Variants in CCDC40 observed in about 807,000 individuals in gnomAD.
CCDC40 encodes the protein coiled-coil domain 40 molecular ruler complex subunit.
CCDC40 carries 104 observed loss-of-function variants against 124.5 expected under a neutral mutation model. The observed-to-expected ratio is 0.84, with a 90% CI of 0.71 to 0.98. CCDC40 has a LOEUF of 0.98. Ranked by LOEUF, CCDC40 falls within the 50% of genes least tolerant of loss-of-function variation. The pLI, the probability that CCDC40 is intolerant of heterozygous loss-of-function variation, is 0.00. For synonymous variants in CCDC40, 580 were observed against 602.9 expected, an observed-to-expected ratio of 0.96 and a Z score of 0.56; for missense variants, 1,463 against 1,503.9, an observed-to-expected ratio of 0.97 and a Z score of 0.45.
At chr17:80,059,012 G>C (rs370923952) in intron 9 of CCDC40, 32 bp downstream of exon 9, 25 of 1,613,872 alleles carry the variant, frequency 1.5e-5, no homozygotes, top group Non-Finnish European at 1.9e-5. Context: ...CTCAGTGTTC[G>C]ACCCTCCAGT....
rs761350260 is a variant in CCDC40 at position 80,087,779 on chromosome 17, C to T, written c.2619+3C>T. 6.2e-7 allele frequency: 1 copy of T among 1,613,794 alleles called. No homozygotes were observed. The highest frequency in any genetic ancestry group is 8.5e-7 in the Non-Finnish European group (1 of 1,179,790). ...ATGAGTTCGTGCGCTCGCTGAAGGTCCGGCCGTGTCCACGCAGTCCCGGGG... is the reference window on the plus strand; with the variant it reads ...ATGAGTTCGTGCGCTCGCTGAAGGTTCGGCCGTGTCCACGCAGTCCCGGGG... On this transcript the variant is annotated splice_donor_region_variant and intron_variant, in intron 15 of 19. Coordinates refer to ENST00000397545, the MANE Select transcript of CCDC40 (RefSeq NM_017950.4). The surrounding 1 kb of genome is among the most constrained non-coding windows in gnomAD (Gnocchi z 4.5).
At chr17:80,048,902 C>T (rs1176222152) in intron 5 of CCDC40, 141 bp downstream of exon 5, 9 of 807,630 alleles carry the variant, frequency 1.1e-5, no homozygotes, top group African/African-American at 6.8e-5. Context: ...CGTTTATTGG[C>T]ACTGATTGAC....
rs1220840499 is a variant in CCDC40, at chr17:80,097,116, A to T, written c.3022-129A>T. Reference sequence around the variant, plus strand: ...CAGGCCTCGCCTCTCCAGCCCTCCCATTCCTCTTTGGGAGCCTCCCTGGAT... The same window carrying T: ...CAGGCCTCGCCTCTCCAGCCCTCCCTTTCCTCTTTGGGAGCCTCCCTGGAT... On this transcript the variant is annotated intron_variant, in intron 18 of 19. Coordinates refer to ENST00000397545, the MANE Select transcript of CCDC40 (RefSeq NM_017950.4). The T allele has an allele frequency of 3.9e-6, 4 of 1,025,014 alleles. No homozygotes were observed. In the East Asian group the frequency reaches 9.5e-5, roughly 24 times the overall value. 63.5% of individuals were successfully genotyped at this position (1,025,014 alleles called of 1,614,324 possible). A position where few individuals can be genotyped will look rare whatever the true frequency, so the allele number is the denominator to read the frequency against.
At chr17:80,063,469 C>G (rs1049570641) in intron 9 of CCDC40, among the ~76,000 whole-genome samples, 9 of 152,106 alleles carry the variant, frequency 5.9e-5, no homozygotes, top group Admixed American at 6.5e-5. Context: ...AGGCTGTGGC[C>G]GGCAGCCTCA....
intron 17 of CCDC40, among the ~76,000 whole-genome samples, chr17:80,093,011 A>G (rs2038748272): frequency 6.6e-6 from 1 of 152,100 alleles, no homozygotes; most frequent in Non-Finnish European, 1.5e-5. Flanking sequence ...TGCTTCCTGA[A>G]AAGACTGCCC....
At chr17:80,050,536 C>T (rs1236889630) in intron 7 of CCDC40, among the ~76,000 whole-genome samples, 6 of 152,188 alleles carry the variant, frequency 3.9e-5, no homozygotes, top group African/African-American at 1.4e-4. Flanking sequence ...CTCCCCCTTC[C>T]GGGATCAAGC....
At chr17:80,063,780 A>G (rs1022385872) in intron 9 of CCDC40, among the ~76,000 whole-genome samples, 4 of 152,216 alleles carry the variant, frequency 2.6e-5, no homozygotes, top group African/African-American at 7.2e-5. Flanking sequence ...GGTTACAGGC[A>G]TGAGCCGCCG....
chr17:80,089,987 G>T (rs529605255), intron 17 of CCDC40, 103 bp downstream of exon 17: 15 of 1,549,620 alleles, frequency 9.7e-6, no homozygotes, highest in Non-Finnish European at 1.3e-5. Flanking sequence ...GCTCCTGTGG[G>T]AACCACACTG....
chr17:80,085,098 C>A, intron 13 of CCDC40, 110 bp downstream of exon 13: 1 of 1,367,854 alleles, frequency 7.3e-7, no homozygotes, highest in Non-Finnish European at 1.0e-6. Context: ...AGGCACAGAA[C>A]TGCCTCTTTC....
chr17:80,065,360 C>G (rs2038015384), intron 9 of CCDC40, 125 bp from the exon 10 acceptor site: 1 of 1,317,000 alleles, frequency 7.6e-7, no homozygotes, highest in Non-Finnish European at 1.1e-6. Flanking sequence ...GATGCATGAT[C>G]AAGGAAAGTA....
chr17:80,059,539 G>A (rs7225563), intron 9 of CCDC40, among the ~76,000 whole-genome samples: 47,896 of 147,348 alleles, frequency 0.33, 10,466 homozygotes, highest in African/African-American at 0.62. Context: ...CACGGGTGCG[G>A]GAATGACACG....
rs1327896140 is a variant in CCDC40 at position 80,086,109 on chromosome 17, A to C, written c.2342A>C (p.Gln781Pro). The change falls in exon 14 of 20, where the codon CAG (glutamine) becomes CCG (proline). Residue 781 changes from glutamine to proline, a missense_variant. By Grantham distance (76) the Gln-to-Pro change is moderately conservative. Transcript: ENST00000397545. This position sits in a 1 kb window ranked among gnomAD's most constrained non-coding sequence, Gnocchi z 5.5. The part of the protein sequence containing the change: ...VQAQVTWLRL[Q>P]QEMVKVTQEQ... ...GCCCAGGTGACCTGGCTGCGCCTGC[A>C]GCAGGAGATGGTCAAGGTGACACAG... 6.2e-7 allele frequency: 1 copy of C among 1,614,062 alleles called. No homozygotes were observed. Among genetic ancestry groups the C allele is most frequent in the African/African-American group, 1.3e-5 (1 of 74,936 alleles).
intron 3 of CCDC40, chr17:80,040,597 T>G (rs1201471688): frequency 5.7e-6 from 2 of 353,640 alleles, no homozygotes; most frequent in Non-Finnish European, 1.1e-5. Flanking sequence ...GAGAATTGCT[T>G]GAACCCGAGA....
At chr17:80,079,546 G>C (rs1027849799) in intron 10 of CCDC40, among the ~76,000 whole-genome samples, 1 of 152,010 alleles carries the variant, frequency 6.6e-6, no homozygotes, top group East Asian at 1.9e-4. Flanking sequence ...CATCCTCATC[G>C]ATCCATAATG....
chr17:80,089,273 G>A (rs1304990830), intron 16 of CCDC40, among the ~76,000 whole-genome samples: 3 of 152,224 alleles, frequency 2.0e-5, no homozygotes, highest in South Asian at 4.1e-4. Context: ...TGGAGGCACC[G>A]TCCTTTCTTC....
chr17:80,094,272 C>T (rs971612754), intron 17 of CCDC40, among the ~76,000 whole-genome samples: 4 of 147,152 alleles, frequency 2.7e-5, no homozygotes, highest in Admixed American at 2.7e-4. Context: ...AATAGCCAGG[C>T]GTGGTGGCAG....
In CCDC40 at chr17:80,040,214, T is replaced by C; in HGVS notation, c.496T>C (p.Leu166=). ...VTSPEPSHGV[L]GPSEQMGQVT... ...CTCCCCAGAGCCATCCCACGGAGTCTTAGGCCCGTCGGAGCAAATGGGCCA... is the reference window on the plus strand; with the variant it reads ...CTCCCCAGAGCCATCCCACGGAGTCCTAGGCCCGTCGGAGCAAATGGGCCA... The change falls in exon 3 of 20, where the codon TTA becomes CTA. Residue 166 remains leucine (L), a synonymous_variant. Transcript: ENST00000397545. The C allele has an allele frequency of 6.2e-7, 1 of 1,614,020 alleles. No individual in the cohort carries two copies. Among genetic ancestry groups the C allele is most frequent in the Non-Finnish European group, 8.5e-7 (1 of 1,179,962 alleles).
chr17:80,098,266 C>T (rs145977096), intron 19 of CCDC40, among the ~76,000 whole-genome samples: 10 of 152,288 alleles, frequency 6.6e-5, no homozygotes, highest in Admixed American at 1.3e-4. Context: ...AGACTGTGTG[C>T]GGCCTTAGGG....
At chr17:80,051,396 G>A (rs538675149) in intron 7 of CCDC40, 53 of 375,808 alleles carry the variant, frequency 1.4e-4, no homozygotes, top group Non-Finnish European at 1.8e-4. Context: ...TTGGGAGGCC[G>A]AGGCGGGCGG....
Sources: allele counts gnomAD v4.1 joint callset (sites outside exome capture counted in the v4.1 genomes callset), GRCh38; gene constraint gnomAD v4.1.1; non-coding constraint Gnocchi (gnomAD v3.1); transcripts MANE v1.5; gene names NCBI Gene and HGNC (gene_info 2026-07-23, HGNC 2026-07-21).